The following TAFA1 variants were observed in gnomAD, a reference collection of about 807,000 sequenced individuals.
The protein encoded by TAFA1 is TAFA chemokine like family member 1, also known as chemokine-like protein TAFA-1.
Under a neutral mutation model 18.5 loss-of-function variants are expected in TAFA1, and 4 were observed. The observed-to-expected ratio is 0.22, with a 90% CI of 0.11 to 0.49. The LOEUF (loss-of-function observed/expected upper bound fraction) is 0.49. Ranked by LOEUF, TAFA1 falls within the 20% of genes least tolerant of loss-of-function variation. The pLI, the probability that TAFA1 is intolerant of heterozygous loss-of-function variation, is 0.98. For missense variants in TAFA1, 147 were observed against 169.0 expected, an observed-to-expected ratio of 0.87 and a Z score of 0.72; for synonymous variants, 56 against 55.2, an observed-to-expected ratio of 1.01 and a Z score of -0.06.
intron 3 of TAFA1, among the ~76,000 whole-genome samples, chr3:68,461,136 G>A (rs1357739128): frequency 6.6e-6 from 1 of 151,760 alleles, no homozygotes; most frequent in East Asian, 2.0e-4. Flanking sequence ...ACAAAAATTA[G>A]CTGGGCGTTG....
At chr3:68,118,770 C>T (rs1040697335) in intron 2 of TAFA1, among the ~76,000 whole-genome samples, 4 of 152,294 alleles carry the variant, frequency 2.6e-5, no homozygotes, top group Middle Eastern at 3.4e-3. Context: ...CTTATCCATT[C>T]ATCTGTTGAT....
chr3:68,123,156 CCTT>C (rs2065421543), intron 2 of TAFA1, among the ~76,000 whole-genome samples: 1 of 152,002 alleles, frequency 6.6e-6, no homozygotes, highest in African/African-American at 2.4e-5. Flanking sequence ...CCATCAAGCT[CCTT>C]CTTAGGTTTG....
intron 3 of TAFA1, among the ~76,000 whole-genome samples, chr3:68,457,171 T>C (rs1337870126): frequency 6.6e-6 from 1 of 152,240 alleles, no homozygotes; most frequent in Non-Finnish European, 1.5e-5. Context: ...TACATGGTAG[T>C]ATACTATGTG....
At chr3:68,134,255 G>A (rs2065579865) in intron 2 of TAFA1, among the ~76,000 whole-genome samples, 2 of 152,048 alleles carry the variant, frequency 1.3e-5, no homozygotes, top group African/African-American at 4.8e-5. Flanking sequence ...AGGTGAACAA[G>A]GACACAGTGA....
chr3:68,269,583 A>G (rs2067620899), intron 2 of TAFA1, among the ~76,000 whole-genome samples: 1 of 152,180 alleles, frequency 6.6e-6, no homozygotes, highest in Non-Finnish European at 1.5e-5. Context: ...CAACACTTTG[A>G]GAAGTTTCAA....
At chr3:68,516,817 C>T (rs928618309) in intron 3 of TAFA1, among the ~76,000 whole-genome samples, 3 of 152,074 alleles carry the variant, frequency 2.0e-5, no homozygotes, top group African/African-American at 7.2e-5. Context: ...CTCTGTCACC[C>T]AGGCTGGAGT....
At chr3:68,455,283 A>G in intron 3 of TAFA1, among the ~76,000 whole-genome samples, 1 of 151,914 alleles carries the variant, frequency 6.6e-6, no homozygotes, top group East Asian at 1.9e-4. Flanking sequence ...GAGGAGGTGG[A>G]ATGGGGAGGC....
intron 2 of TAFA1, among the ~76,000 whole-genome samples, chr3:68,290,949 G>C (rs2068093292): frequency 6.6e-6 from 1 of 150,808 alleles, no homozygotes; most frequent in South Asian, 2.1e-4. Context: ...TATTTAATAA[G>C]TTCTTGCATG....
intron 2 of TAFA1, among the ~76,000 whole-genome samples, chr3:68,101,525 C>T (rs948877526): frequency 3.9e-5 from 6 of 151,990 alleles, no homozygotes; most frequent in African/African-American, 1.4e-4. Flanking sequence ...GAGTTCATGT[C>T]CTTTGTAGGG....
At chr3:68,450,483 T>C (rs1410573115) in intron 3 of TAFA1, among the ~76,000 whole-genome samples, 1 of 152,134 alleles carries the variant, frequency 6.6e-6, no homozygotes, top group African/African-American at 2.4e-5. Flanking sequence ...ATTCTATCAC[T>C]CAAGGAGAGC....
chr3:68,349,657 A>G (rs1374076176), intron 2 of TAFA1, among the ~76,000 whole-genome samples: 1 of 152,168 alleles, frequency 6.6e-6, no homozygotes, highest in Non-Finnish European at 1.5e-5. Flanking sequence ...TTTCTATCAC[A>G]AACACTTAAC....
chr3:68,305,505 C>T (rs1575763196), intron 2 of TAFA1, among the ~76,000 whole-genome samples: 1 of 133,498 alleles, frequency 7.5e-6, no homozygotes, highest in Non-Finnish European at 1.6e-5. Flanking sequence ...AGACACAATT[C>T]AACCTATAAA....
At chr3:68,190,620 C>T (rs1282964635) in intron 2 of TAFA1, among the ~76,000 whole-genome samples, 1 of 151,750 alleles carries the variant, frequency 6.6e-6, no homozygotes, top group Non-Finnish European at 1.5e-5. Flanking sequence ...CTTGTGTTTT[C>T]AGCAGGTGCC....
At chr3:68,028,912 C>G (rs1217832414) in intron 2 of TAFA1, among the ~76,000 whole-genome samples, 2 of 152,024 alleles carry the variant, frequency 1.3e-5, no homozygotes, top group African/African-American at 4.8e-5. Flanking sequence ...TGCCATCACA[C>G]CTGGCTGATG....
chr3:68,093,548 G>T (rs1191572751), intron 2 of TAFA1, among the ~76,000 whole-genome samples: 1 of 151,988 alleles, frequency 6.6e-6, no homozygotes, highest in Non-Finnish European at 1.5e-5. Flanking sequence ...AATCTTTGCA[G>T]CACTGTGGTG....
chr3:68,344,340 G>T lies in TAFA1; in HGVS notation c.119-72940G>T, dbSNP rs115953552. 4.9e-3 allele frequency among the ~76,000 whole-genome samples: 743 copies of T among 152,244 alleles called. 8 individuals are homozygous for T. Among genetic ancestry groups the T allele is most frequent in the African/African-American group, 0.017 (691 of 41,536 alleles). On this transcript the variant is annotated intron_variant, in intron 2 of 4. Coordinates refer to ENST00000478136, the MANE Select transcript of TAFA1 (RefSeq NM_213609.4). ...AGTGAAAAACTACTGGGACACTAAGGTACCACATGACCTTACTAAAGTTTG... is the reference window on the plus strand; with the variant it reads ...AGTGAAAAACTACTGGGACACTAAGTTACCACATGACCTTACTAAAGTTTG...
intron 2 of TAFA1, among the ~76,000 whole-genome samples, chr3:68,412,473 C>T (rs904088609): frequency 6.6e-6 from 1 of 151,950 alleles, no homozygotes; most frequent in African/African-American, 2.4e-5. Context: ...GTGTGCTGCA[C>T]CTGTTAGCTC....
At chr3:68,054,277 G>A (rs757667390) in intron 2 of TAFA1, among the ~76,000 whole-genome samples, 1 of 152,048 alleles carries the variant, frequency 6.6e-6, no homozygotes, top group African/African-American at 2.4e-5. Context: ...GGGGTCAGGG[G>A]AGTAGGGAGG....
chr3:68,073,995 T>C (rs938681594), intron 2 of TAFA1, among the ~76,000 whole-genome samples: 2 of 152,186 alleles, frequency 1.3e-5, no homozygotes, highest in African/African-American at 4.8e-5. Flanking sequence ...TAATGTATAA[T>C]GAATAATTAT....
Sources: gnomAD v4.1 joint callset for allele counts (sites outside exome capture counted in the v4.1 genomes callset) on GRCh38, gnomAD v4.1.1 for gene constraint, MANE v1.5 for transcripts, NCBI Gene and HGNC (gene_info 2026-07-23, HGNC 2026-07-21) for gene names.